Variants in PCSK2 observed in about 807,000 individuals in gnomAD.
PCSK2 encodes neuroendocrine convertase 2.
PCSK2 carries 14 observed loss-of-function variants against 69.7 expected under a neutral mutation model. The observed-to-expected ratio is 0.20, with a 90% CI of 0.13 to 0.31. The LOEUF is 0.31. PCSK2 is among the 10% of genes least tolerant of loss of function. The pLI is 1.00. For missense variants in PCSK2, 544 were observed against 842.5 expected, an observed-to-expected ratio of 0.65 and a Z score of 4.39; for synonymous variants, 307 against 320.7, an observed-to-expected ratio of 0.96 and a Z score of 0.46.
chr20:17,390,371 T>C (rs6044779), intron 5 of PCSK2, among the ~76,000 whole-genome samples: 47,934 of 152,072 alleles, frequency 0.32, 8,040 homozygotes, highest in East Asian at 0.51. Flanking sequence ...GCAGCATGCA[T>C]GCTTAAGATC....
At chr20:17,445,330 C>CTTTTGCTG (rs889062482) in intron 8 of PCSK2, among the ~76,000 whole-genome samples, 1 of 151,432 alleles carries the variant, frequency 6.6e-6, no homozygotes, top group African/African-American at 2.4e-5. Context: ...CCTGGCACAC[C>CTTTTGCTG]TTTTGCTGGC....
intron 2 of PCSK2, among the ~76,000 whole-genome samples, chr20:17,294,336 G>C: frequency 6.6e-6 from 1 of 151,870 alleles, no homozygotes. Flanking sequence ...TCGATCTCCT[G>C]ACCTCGTGAT....
chr20:17,444,438 C>T (rs1026697383), intron 8 of PCSK2, among the ~76,000 whole-genome samples: 3 of 152,162 alleles, frequency 2.0e-5, no homozygotes, highest in African/African-American at 7.2e-5. Flanking sequence ...TTGAGAGAAG[C>T]AGTGAGGAGT....
intron 1 of PCSK2, among the ~76,000 whole-genome samples, chr20:17,233,726 G>A (rs1986230734): frequency 6.6e-6 from 1 of 152,178 alleles, no homozygotes; most frequent in African/African-American, 2.4e-5. Context: ...GCCTGTAACA[G>A]GCTGAAGAGC....
chr20:17,300,619 T>C (rs1348169666), intron 2 of PCSK2, among the ~76,000 whole-genome samples: 1 of 152,226 alleles, frequency 6.6e-6, no homozygotes, highest in African/African-American at 2.4e-5. Context: ...AGTAGAAAGG[T>C]GGTCAAGGGA....
At chr20:17,228,888 CTTG>C (rs1012573591) in intron 1 of PCSK2, among the ~76,000 whole-genome samples, 1 of 152,190 alleles carries the variant, frequency 6.6e-6, no homozygotes, top group African/African-American at 2.4e-5. Flanking sequence ...CGGAAAGGAA[CTTG>C]TTGCTCTGGA....
At chr20:17,475,165 G>A (rs1011339525) in intron 11 of PCSK2, among the ~76,000 whole-genome samples, 6 of 151,934 alleles carry the variant, frequency 3.9e-5, no homozygotes, top group Non-Finnish European at 5.9e-5. Context: ...GGGCTTTGGA[G>A]CATCAACGCC....
intron 6 of PCSK2, among the ~76,000 whole-genome samples, chr20:17,411,880 G>A (rs1452313958): frequency 6.6e-6 from 1 of 152,226 alleles, no homozygotes; most frequent in Non-Finnish European, 1.5e-5. Flanking sequence ...GCCTCTGCTG[G>A]TGATACCCAG....
In PCSK2 at chr20:17,483,958, C is replaced by T. The variant is rs774471850; in HGVS notation, c.*1888C>T. 5.9e-5 allele frequency: 9 copies of T among 152,372 alleles called. No homozygotes were observed. The allele number at this position is 152,372 out of a possible 1,614,324, so 9.4% of individuals were successfully genotyped here. On this transcript the variant is annotated 3_prime_UTR_variant, in exon 12 of 12. Coordinates refer to ENST00000262545, the MANE Select transcript of PCSK2 (RefSeq NM_002594.5). Reference sequence around the variant, plus strand: ...GTGTATATATGTGTATATATACATACACTTGTATAAATGTATATACACATA... The same window carrying T: ...GTGTATATATGTGTATATATACATATACTTGTATAAATGTATATACACATA...
chr20:17,459,608 C>T (rs2032979933), intron 10 of PCSK2, among the ~76,000 whole-genome samples: 1 of 152,182 alleles, frequency 6.6e-6, no homozygotes. Context: ...TATATTTTAG[C>T]ATTCTTATGG....
intron 2 of PCSK2, among the ~76,000 whole-genome samples, chr20:17,266,341 TA>T (rs773199747): frequency 7.2e-5 from 11 of 152,214 alleles, no homozygotes; most frequent in Non-Finnish European, 1.5e-4. Context: ...ATACTTTTGA[TA>T]CAAAATATTT....
Position 17,453,426 on chromosome 20 carries a change from G to A in PCSK2, c.886-316G>A, listed in dbSNP as rs1384238856. On this transcript the variant is annotated intron_variant, in intron 8 of 11. Coordinates refer to ENST00000262545, the MANE Select transcript of PCSK2 (RefSeq NM_002594.5). The surrounding 1 kb of genome is among the most constrained non-coding windows in gnomAD (Gnocchi z 4.0). ...CATACAGTTAGACTTTTCATTGTGA[G>A]CATGTACCACCTTTCTAGCTTTTTT... Among the ~76,000 whole-genome samples the A allele has an allele frequency of 1.3e-5, 2 of 152,096 alleles. No homozygotes were observed. Among genetic ancestry groups the A allele is most frequent in the Admixed American group, 1.3e-4 (2 of 15,272 alleles).
chr20:17,456,498 A>AGG, intron 10 of PCSK2, 50 bp downstream of exon 10: 1 of 986,458 alleles, frequency 1.0e-6, no homozygotes, highest in Non-Finnish European at 1.6e-6. Flanking sequence ...GTGGACTAAC[A>AGG]CGTGTCTCTC....
intron 4 of PCSK2, among the ~76,000 whole-genome samples, chr20:17,362,488 C>A (rs1181794726): frequency 1.3e-5 from 2 of 152,166 alleles, no homozygotes; most frequent in African/African-American, 4.8e-5. Flanking sequence ...AGGAAGTTGA[C>A]CCTGGAGTCA....
rs535113741 is a variant in PCSK2, at chr20:17,302,006, C to T, written c.282+41662C>T. On this transcript the variant is annotated intron_variant, in intron 2 of 11. Coordinates refer to ENST00000262545, the MANE Select transcript of PCSK2 (RefSeq NM_002594.5). ...TGGTACAGCAGCCTTGACCTTCACA[C>T]CAAGTCAAAGTGTGTGAACCCAGAA... 2.0e-5 allele frequency among the ~76,000 whole-genome samples: 3 copies of T among 152,134 alleles called. No homozygotes were observed. The South Asian group carries it at 6.2e-4, about 32-fold the overall frequency.
chr20:17,272,181 A>G (rs1987895789), intron 2 of PCSK2, among the ~76,000 whole-genome samples: 1 of 152,070 alleles, frequency 6.6e-6, no homozygotes, highest in South Asian at 2.1e-4. Context: ...CTTCTTTCCC[A>G]TGCCTTCCTG....
At chr20:17,461,926 G>A (rs1022934009) in intron 10 of PCSK2, among the ~76,000 whole-genome samples, 3 of 152,136 alleles carry the variant, frequency 2.0e-5, no homozygotes, top group African/African-American at 7.2e-5. Flanking sequence ...CACCTACTGT[G>A]TACCCACAAA....
At chr20:17,320,170 C>T (rs940295644) in intron 2 of PCSK2, among the ~76,000 whole-genome samples, 2 of 152,158 alleles carry the variant, frequency 1.3e-5, no homozygotes, top group African/African-American at 4.8e-5. Context: ...TCAATGTGCA[C>T]ATGAACTGCC....
intron 8 of PCSK2, among the ~76,000 whole-genome samples, chr20:17,445,914 G>A (rs1449762490): frequency 6.6e-6 from 1 of 152,162 alleles, no homozygotes; most frequent in African/African-American, 2.4e-5. Context: ...GGTGGGTTTC[G>A]GGTGATCCTT....
Sources: gnomAD v4.1 joint callset for allele counts (sites outside exome capture counted in the v4.1 genomes callset) on GRCh38, gnomAD v4.1.1 for gene constraint, Gnocchi (gnomAD v3.1) non-coding constraint, MANE v1.5 for transcripts, NCBI Gene and HGNC (gene_info 2026-07-23, HGNC 2026-07-21) for gene names.